The following ABCA13 variants were observed in gnomAD, a reference collection of about 807,000 sequenced individuals.
The protein encoded by ABCA13 is ATP binding cassette subfamily A member 13, also known as ATP-binding cassette sub-family A member 13.
ABCA13 carries 476 observed loss-of-function variants against 478.7 expected under a neutral mutation model. That is an observed-to-expected ratio of 0.99 (90% CI 0.92 to 1.07). The LOEUF is 1.07. ABCA13 is among the 50% of genes least tolerant of loss of function. The pLI, the probability that ABCA13 is intolerant of heterozygous loss-of-function variation, is 0.00. For synonymous variants in ABCA13, 2,252 were observed against 2,158.9 expected (o/e 1.04, Z -1.20); for missense variants, 6,060 against 5,910.6 (o/e 1.03, Z -0.83).
chr7:48,229,339 A>G (rs1788709953), intron 6 of ABCA13, among the ~76,000 whole-genome samples: 1 of 152,206 alleles, frequency 6.6e-6, no homozygotes, highest in African/African-American at 2.4e-5. Flanking sequence ...CCCTTGACCT[A>G]TTCAGATCCA....
At chr7:48,309,099 C>A (rs575668589) in intron 23 of ABCA13, among the ~76,000 whole-genome samples, 5 of 150,136 alleles carry the variant, frequency 3.3e-5, no homozygotes, top group African/African-American at 1.2e-4. Flanking sequence ...AGGACCCTGA[C>A]TACTACACCA....
At chr7:48,516,934 C>T (rs370552661) in intron 52 of ABCA13, 53 bp downstream of exon 52, 82 of 1,566,618 alleles carry the variant, frequency 5.2e-5, no homozygotes, top group South Asian at 2.4e-4. Context: ...AGTGCAAAGA[C>T]GGTGTTAACT....
chr7:48,429,197 G>T (rs971958172), intron 42 of ABCA13, among the ~76,000 whole-genome samples: 2 of 152,166 alleles, frequency 1.3e-5, no homozygotes, highest in Non-Finnish European at 2.9e-5. Flanking sequence ...CAGTTGATGG[G>T]CATTTGGGGT....
intron 1 of ABCA13, among the ~76,000 whole-genome samples, chr7:48,177,020 A>C (rs1479231685): frequency 6.6e-6 from 1 of 152,186 alleles, no homozygotes; most frequent in Non-Finnish European, 1.5e-5. Flanking sequence ...CAGGTGCTAA[A>C]AACTGAACTT....
chr7:48,375,618 G>C (rs571402734), intron 34 of ABCA13, among the ~76,000 whole-genome samples: 2 of 151,968 alleles, frequency 1.3e-5, no homozygotes, highest in South Asian at 4.2e-4. Context: ...TTTTTTTTGG[G>C]GGGGGGTGTT....
intron 41 of ABCA13, among the ~76,000 whole-genome samples, chr7:48,427,104 A>G (rs1478274539): frequency 6.6e-6 from 1 of 152,150 alleles, no homozygotes; most frequent in African/African-American, 2.4e-5. Context: ...ATCCAGGTGC[A>G]GCTCAAGGCC....
intron 43 of ABCA13, among the ~76,000 whole-genome samples, chr7:48,463,931 G>A (rs905047717): frequency 3.3e-5 from 5 of 152,006 alleles, no homozygotes; most frequent in African/African-American, 1.2e-4. Flanking sequence ...GTTTCTCAAG[G>A]TTGGTTTGAT....
chr7:48,290,630 A>G (rs1433236254), intron 20 of ABCA13, among the ~76,000 whole-genome samples: 2 of 152,226 alleles, frequency 1.3e-5, no homozygotes, highest in African/African-American at 4.8e-5. Flanking sequence ...AATAACATCC[A>G]TAGCAGGAAT....
intron 38 of ABCA13, among the ~76,000 whole-genome samples, chr7:48,401,549 T>C (rs1026925132): frequency 5.1e-4 from 78 of 152,328 alleles, no homozygotes; most frequent in African/African-American, 1.8e-3. Context: ...TCTGATTTCC[T>C]GCAGAAGGAC....
At chr7:48,478,475 C>A (rs978430500) in intron 45 of ABCA13, among the ~76,000 whole-genome samples, 2 of 151,872 alleles carry the variant, frequency 1.3e-5, no homozygotes, top group African/African-American at 2.4e-5. Context: ...CATATGAATT[C>A]TTTTAACATG....
chr7:48,635,660 A>T (rs547282466), intron 59 of ABCA13, among the ~76,000 whole-genome samples: 1 of 152,176 alleles, frequency 6.6e-6, no homozygotes, highest in Non-Finnish European at 1.5e-5. Context: ...TGGGGCCAGA[A>T]TGAGAGGGGA....
chr7:48,255,224 G>T (rs1793198429), intron 15 of ABCA13, among the ~76,000 whole-genome samples: 1 of 152,152 alleles, frequency 6.6e-6, no homozygotes. Context: ...AGCTTTCTCA[G>T]CATGAGTAGT....
intron 31 of ABCA13, among the ~76,000 whole-genome samples, chr7:48,361,793 G>A (rs993066592): frequency 6.6e-6 from 1 of 151,674 alleles, no homozygotes; most frequent in Non-Finnish European, 1.5e-5. Context: ...CCCAAGAGCT[G>A]TTTAAATAAA....
chr7:48,244,580 C>T lies in ABCA13; in HGVS notation c.1267C>T (p.Gln423Ter), dbSNP rs1018385126. Residue 423 changes from glutamine (Q) to a stop codon, truncating the protein, a stop_gained, in exon 11 of 62, where the codon CAG becomes TAG. Coordinates refer to ENST00000435803, the MANE Select transcript of ABCA13 (RefSeq NM_152701.5). LOFTEE classifies it high-confidence loss of function. Reference protein sequence around the residue: ...KDNHTFPKILQHLWKLQSLLQ... With the variant: ...KDNHTFPKIL ...TTTATTTATTTTTGCCCTCAGATTACAGCATCTGTGGAAATTGCAAAGCTT... is the reference window on the plus strand; with the variant it reads ...TTTATTTATTTTTGCCCTCAGATTATAGCATCTGTGGAAATTGCAAAGCTT... 4 of 1,612,794 alleles carry T rather than the reference C, an allele frequency of 2.5e-6. No homozygotes were observed. Among genetic ancestry groups the T allele is most frequent in the African/African-American group, 1.3e-5 (1 of 75,030 alleles).
chr7:48,257,754 G>A (rs1263548264), intron 15 of ABCA13, among the ~76,000 whole-genome samples: 1 of 152,078 alleles, frequency 6.6e-6, no homozygotes, highest in African/African-American at 2.4e-5. Context: ...ATACTGGCCT[G>A]AAATTTTTGT....
intron 45 of ABCA13, among the ~76,000 whole-genome samples, chr7:48,473,033 AAG>A (rs1827681896): frequency 6.6e-6 from 1 of 152,216 alleles, no homozygotes; most frequent in South Asian, 2.1e-4. Context: ...TGGCAGCAGC[AAG>A]AGAGAGAATG....
At chr7:48,460,692 C>A (rs756119037) in intron 43 of ABCA13, among the ~76,000 whole-genome samples, 1 of 152,152 alleles carries the variant, frequency 6.6e-6, no homozygotes, top group African/African-American at 2.4e-5. Flanking sequence ...TAACAAATAC[C>A]ACTAAATTTG....
At chr7:48,215,771 G>A (rs887727821) in intron 3 of ABCA13, among the ~76,000 whole-genome samples, 2 of 152,014 alleles carry the variant, frequency 1.3e-5, no homozygotes, top group Non-Finnish European at 2.9e-5. Context: ...TCTCCCCCAC[G>A]CCTAACCCTG....
At chr7:48,482,103 T>G (rs1238086032) in intron 46 of ABCA13, among the ~76,000 whole-genome samples, 1 of 151,964 alleles carries the variant, frequency 6.6e-6, no homozygotes, top group East Asian at 1.9e-4. Context: ...ACTGTGCAAC[T>G]CATGGAGATA....
Sources: gnomAD v4.1 joint callset for allele counts (sites outside exome capture counted in the v4.1 genomes callset) on GRCh38, gnomAD v4.1.1 for gene constraint, MANE v1.5 for transcripts, NCBI Gene and HGNC (gene_info 2026-07-23, HGNC 2026-07-21) for gene names.